Variants in PGCKA1 observed in about 807,000 individuals in gnomAD.
PGCKA1 encodes PDCD10 and GCKIII kinases-associated protein 1.
the PGCKA1 span, among the ~76,000 whole-genome samples, chr4:37,497,244 C>T: frequency 6.6e-6 from 1 of 152,144 alleles, no homozygotes; most frequent in Non-Finnish European, 1.5e-5. Context: ...TCATCCAGGT[C>T]ATCACAAATG....
the PGCKA1 span, among the ~76,000 whole-genome samples, chr4:37,501,163 C>T: frequency 2.0e-5 from 3 of 152,062 alleles, no homozygotes; most frequent in Admixed American, 2.0e-4. Flanking sequence ...ATCATGATGT[C>T]AGCCAGTTAT....
chr4:37,455,472 TG>T, the PGCKA1 span, among the ~76,000 whole-genome samples: 1 of 152,208 alleles, frequency 6.6e-6, no homozygotes, highest in Non-Finnish European at 1.5e-5. Flanking sequence ...AGGGAAGGTG[TG>T]GCTTACTTCT....
At chr4:37,517,015 G>A in the PGCKA1 span, among the ~76,000 whole-genome samples, 1 of 152,022 alleles carries the variant, frequency 6.6e-6, no homozygotes, top group East Asian at 1.9e-4. Context: ...CCTGCACTTT[G>A]GGAGGCAGGT....
At chr4:37,460,017 T>G in the PGCKA1 span, among the ~76,000 whole-genome samples, 2 of 152,094 alleles carry the variant, frequency 1.3e-5, no homozygotes, top group Non-Finnish European at 2.9e-5. Context: ...CCCCGGTGTG[T>G]GTTGTTCCCC....
the PGCKA1 span, among the ~76,000 whole-genome samples, chr4:37,458,156 A>G: frequency 1.3e-5 from 2 of 152,182 alleles, no homozygotes; most frequent in South Asian, 4.1e-4. Flanking sequence ...AAAGAGGTTA[A>G]TTGATTTGTC....
At chr4:37,536,515 C>T in the PGCKA1 span, among the ~76,000 whole-genome samples, 56,291 of 151,942 alleles carry the variant, frequency 0.37, 11,461 homozygotes, top group African/African-American at 0.54. Context: ...ATGGAGAATC[C>T]GCTTTCAAGC....
the PGCKA1 span, among the ~76,000 whole-genome samples, chr4:37,535,685 C>T: frequency 0.57 from 87,229 of 152,074 alleles, 26,907 homozygotes; most frequent in South Asian, 0.7. Context: ...TCATGACCTG[C>T]GCTTTTCCTC....
the PGCKA1 span, chr4:37,590,593 G>A: frequency 1.2e-6 from 2 of 1,614,152 alleles, no homozygotes; most frequent in Non-Finnish European, 1.7e-6. Context: ...ACAAGACCAT[G>A]TCTTCCAGAT....
At chr4:37,575,682 A>G in the PGCKA1 span, among the ~76,000 whole-genome samples, 5 of 152,166 alleles carry the variant, frequency 3.3e-5, no homozygotes, top group African/African-American at 4.8e-5. Context: ...AATCAGTCCA[A>G]TGTCCTGGAG....
At chr4:37,584,576 CAAATGATGTATA>C in the PGCKA1 span, among the ~76,000 whole-genome samples, 59 of 152,224 alleles carry the variant, frequency 3.9e-4, no homozygotes, top group African/African-American at 1.3e-3. Flanking sequence ...CTAAAAGCCG[CAAATGATGTATA>C]TTTCCTTCAG....
the PGCKA1 span, among the ~76,000 whole-genome samples, chr4:37,547,708 A>C: frequency 1.6e-3 from 239 of 152,242 alleles, no homozygotes; most frequent in Non-Finnish European, 2.4e-3. Context: ...TTCCCCACCC[A>C]ACAGTAGTTA....
chr4:37,518,691 T>C, the PGCKA1 span, among the ~76,000 whole-genome samples: 133 of 152,340 alleles, frequency 8.7e-4, no homozygotes, highest in Non-Finnish European at 1.5e-3. Context: ...AAATGGGTAG[T>C]TTGCAAATAT....
chr4:37,509,613 G>T, the PGCKA1 span, among the ~76,000 whole-genome samples: 1 of 151,694 alleles, frequency 6.6e-6, no homozygotes, highest in South Asian at 2.1e-4. Flanking sequence ...AAAGCAGGCG[G>T]CTGGGAGGTG....
At chr4:37,466,988 C>A in the PGCKA1 span, among the ~76,000 whole-genome samples, 1 of 152,230 alleles carries the variant, frequency 6.6e-6, no homozygotes, top group African/African-American at 2.4e-5. Context: ...ATCCCAGCTA[C>A]TTGGGAGGCC....
chr4:37,468,826 G>A, the PGCKA1 span, among the ~76,000 whole-genome samples: 31 of 152,140 alleles, frequency 2.0e-4, no homozygotes, highest in Non-Finnish European at 3.2e-4. Context: ...AATTCTGTGC[G>A]GGTTCACAAT....
the PGCKA1 span, among the ~76,000 whole-genome samples, chr4:37,546,337 G>C: frequency 6.6e-6 from 1 of 152,154 alleles, no homozygotes; most frequent in Admixed American, 6.5e-5. Context: ...CCTAAACCTG[G>C]TAGTTAAAAG....
the PGCKA1 span, among the ~76,000 whole-genome samples, chr4:37,555,690 G>C: frequency 9.8e-4 from 149 of 152,272 alleles, no homozygotes; most frequent in African/African-American, 3.4e-3. Context: ...AAATGGTCTC[G>C]ATCCTCTGCA....
At chr4:37,523,712 G>C in the PGCKA1 span, among the ~76,000 whole-genome samples, 1 of 152,098 alleles carries the variant, frequency 6.6e-6, no homozygotes, top group African/African-American at 2.4e-5. Context: ...TGTTCAGTCG[G>C]CTATAGCAAG....
At chr4:37,557,268 G>T in the PGCKA1 span, among the ~76,000 whole-genome samples, 1 of 151,916 alleles carries the variant, frequency 6.6e-6, no homozygotes, top group Non-Finnish European at 1.5e-5. Context: ...TTGTTGTTTT[G>T]TTTTTTTGTG....
Sources: gnomAD v4.1 joint callset for allele counts (sites outside exome capture counted in the v4.1 genomes callset) on GRCh38, gnomAD v4.1.1 for gene constraint, MANE v1.5 for transcripts, NCBI Gene and HGNC (gene_info 2026-07-23, HGNC 2026-07-21) for gene names.